SBNO1: variants seen among roughly 807,000 people sequenced by gnomAD.
SBNO1 encodes protein strawberry notch homolog 1.
SBNO1 carries 23 observed loss-of-function variants against 173.6 expected under a neutral mutation model. The observed-to-expected ratio is 0.13, with a 90% CI of 0.10 to 0.19. The LOEUF (loss-of-function observed/expected upper bound fraction) is 0.19, where lower values mean the gene tolerates loss of function less well. Among genes scored for constraint, SBNO1 ranks in the 10% least tolerant of loss-of-function variants. The pLI is 1.00. For missense variants in SBNO1, 1,238 were observed against 1,671.2 expected (o/e 0.74, Z 4.52); for synonymous variants, 632 against 571.5 (o/e 1.11, Z -1.51).
intron 30 of SBNO1, among the ~76,000 whole-genome samples, chr12:123,298,812 G>A (rs146500920): frequency 3.7e-4 from 56 of 152,296 alleles, no homozygotes; most frequent in African/African-American, 1.2e-3. Flanking sequence ...CTTGCTAGCC[G>A]GGCAGGGTGG....
At chr12:123,346,020 A>G (rs1250651076) in intron 3 of SBNO1, among the ~76,000 whole-genome samples, 1 of 152,190 alleles carries the variant, frequency 6.6e-6, no homozygotes, top group Non-Finnish European at 1.5e-5. Context: ...ACCAAGTTAA[A>G]CGGACAACTT....
intron 4 of SBNO1, among the ~76,000 whole-genome samples, chr12:123,341,815 A>AC (rs749823128): frequency 2.1e-3 from 311 of 148,696 alleles, no homozygotes; most frequent in Non-Finnish European, 3.2e-3. Context: ...GGCGTGAGCC[A>AC]CCGCACCTGG....
At chr12:123,342,086 T>C (rs768703781) in intron 4 of SBNO1, among the ~76,000 whole-genome samples, 134 of 151,802 alleles carry the variant, frequency 8.8e-4, no homozygotes, top group Middle Eastern at 3.4e-3. Context: ...GCCCAGTCTC[T>C]ACTAAAAATA....
chr12:123,322,577 G>A (rs374287024), intron 16 of SBNO1, among the ~76,000 whole-genome samples: 6 of 151,940 alleles, frequency 3.9e-5, no homozygotes, highest in Admixed American at 1.3e-4. Flanking sequence ...GATTACAGGC[G>A]TGAGCCACTG....
In SBNO1 at chr12:123,295,798, A is replaced by G; in HGVS notation, c.*110T>C. 3 of 1,434,228 alleles carry G rather than the reference A, an allele frequency of 2.1e-6. No individual in the cohort carries two copies. Among genetic ancestry groups the G allele is most frequent in the Non-Finnish European group, 2.8e-6 (3 of 1,060,742 alleles). 88.8% of individuals were successfully genotyped at this position (1,434,228 alleles called of 1,614,324 possible). The stretch of plus-strand genomic sequence containing the variant: ...TTACTCCCAAAAAAACTAACTAGAG[A>G]GCACAACTGAAAAAAATATATAATT... On this transcript the variant is annotated 3_prime_UTR_variant, in exon 32 of 32. Transcript: ENST00000602398.
At chr12:123,359,419 G>T (rs1421928922) in intron 1 of SBNO1, among the ~76,000 whole-genome samples, 1 of 151,706 alleles carries the variant, frequency 6.6e-6, no homozygotes, top group Non-Finnish European at 1.5e-5. Context: ...AAAGGTAGCT[G>T]GGCGTGGTGG....
intron 23 of SBNO1, 129 bp from the exon 24 acceptor site, chr12:123,313,848 G>A: frequency 1.8e-6 from 1 of 546,446 alleles, no homozygotes; most frequent in Non-Finnish European, 3.3e-6. Flanking sequence ...CAGCACTTTG[G>A]GAGGTCGAGG....
chr12:123,345,424 T>C lies in SBNO1; in HGVS notation c.384A>G (p.Ala128=), dbSNP rs1873012041. The C allele has an allele frequency of 4.3e-6, 7 of 1,614,234 alleles. No homozygotes were observed. In the East Asian group the frequency reaches 1.6e-4, roughly 36 times the overall value. The stretch of plus-strand genomic sequence containing the variant: ...GTGCTGAGACTGACGGGCGTGTGCT[T>C]GCAGTAGTCTGGATAAACTTAGTTA... ...ITLTKFIQTT[A]STRPSVSAPT... The change falls in exon 4 of 32, where the codon GCA becomes GCG. Residue 128 remains alanine (A), a synonymous_variant. Transcript: ENST00000602398.
intron 1 of SBNO1, chr12:123,364,468 C>T: frequency 1.0e-6 from 1 of 983,878 alleles, no homozygotes; most frequent in African/African-American, 1.7e-5. Context: ...GACAGCGGGG[C>T]CCGGCGCTGA....
intron 28 of SBNO1, among the ~76,000 whole-genome samples, chr12:123,306,042 A>G (rs927224475): frequency 2.0e-5 from 3 of 152,314 alleles, no homozygotes; most frequent in East Asian, 1.9e-4. Flanking sequence ...GAAAAACACA[A>G]TATTTTACTT....
At chr12:123,303,093 T>C (rs188413681) in intron 29 of SBNO1, among the ~76,000 whole-genome samples, 193 bp from the exon 30 acceptor site, 9 of 152,332 alleles carry the variant, frequency 5.9e-5, no homozygotes, top group African/African-American at 2.2e-4. Flanking sequence ...TAATACATTT[T>C]TCAAATAACT....
In SBNO1 at chr12:123,337,795, G is replaced by A. The variant is rs146740126; in HGVS notation, c.652-1304C>T. 2.2e-4 allele frequency among the ~76,000 whole-genome samples: 33 copies of A among 151,972 alleles called. 1 individual carries two copies. In the East Asian group the frequency reaches 6.2e-3, roughly 28 times the overall value. On this transcript the variant is annotated intron_variant, in intron 5 of 31. Transcript: ENST00000602398. The stretch of plus-strand genomic sequence containing the variant: ...ATTCTGGGTCCTCTCCACCCCCACC[G>A]TCTAACCCTGTCCTCGCTTATAAAA...
At chr12:123,350,210 C>T (rs562928398) in intron 2 of SBNO1, 100 bp downstream of exon 2, 34 of 1,357,554 alleles carry the variant, frequency 2.5e-5, no homozygotes, top group Admixed American at 9.8e-5. Context: ...GCCATGACTG[C>T]ACCACTGCAC....
rs534925735 is a variant in SBNO1, at chr12:123,331,085, C to T, written c.1043+157G>A. 8.2e-4 allele frequency among the ~76,000 whole-genome samples: 125 copies of T among 152,200 alleles called. 1 individual carries two copies. The highest frequency in any genetic ancestry group is 2.9e-3 in the African/African-American group (122 of 41,532). On this transcript the variant is annotated intron_variant, in intron 8 of 31. Transcript: ENST00000602398. ...TCACGCCATTCTCCTGCCTCAGCCT[C>T]CTGAGTAGCTGGGACTACAGGAACC...
intron 1 of SBNO1, among the ~76,000 whole-genome samples, chr12:123,354,435 C>A (rs1262591843): frequency 6.6e-6 from 1 of 152,098 alleles, no homozygotes; most frequent in Non-Finnish European, 1.5e-5. Flanking sequence ...TACTAGGGAT[C>A]ATTTCTCAGC....
chr12:123,346,764 G>A (rs1257963484), intron 3 of SBNO1, among the ~76,000 whole-genome samples: 4 of 151,668 alleles, frequency 2.6e-5, no homozygotes, highest in East Asian at 3.9e-4. Flanking sequence ...ATATCTTCAC[G>A]TACAAATCTG....
intron 5 of SBNO1, 56 bp downstream of exon 5, chr12:123,340,932 A>T: frequency 4.6e-6 from 5 of 1,084,358 alleles, no homozygotes; most frequent in Non-Finnish European, 6.9e-6. Flanking sequence ...GAACACTTTT[A>T]GTTGAGTACA....
intron 1 of SBNO1, among the ~76,000 whole-genome samples, chr12:123,362,942 G>C (rs2139120999): frequency 6.6e-6 from 1 of 151,528 alleles, no homozygotes; most frequent in South Asian, 2.1e-4. Context: ...AAAAAAATTA[G>C]CTGCTGTAGT....
In SBNO1 at chr12:123,292,020, CA is replaced by C. The variant is rs1221686030; in HGVS notation, c.*3887del. On this transcript the variant is annotated 3_prime_UTR_variant, in exon 32 of 32. Coordinates refer to ENST00000602398, the MANE Select transcript of SBNO1 (RefSeq NM_001167856.3). ...ATCAGACAACTGGCATTCAATGAGA[CA>C]TTTTTTTTTTTTTTTGCAGTTTTTG... The C allele has an allele frequency of 1.2e-5, 1 of 85,376 alleles. No homozygotes were observed. Among genetic ancestry groups the C allele is most frequent in the African/African-American group, 3.4e-5 (1 of 29,018 alleles). The allele number at this position is 85,376 out of a possible 1,614,324, so 5.3% of individuals were successfully genotyped here.
Sources: gnomAD v4.1 joint callset for allele counts (sites outside exome capture counted in the v4.1 genomes callset) on GRCh38, gnomAD v4.1.1 for gene constraint, MANE v1.5 for transcripts, NCBI Gene and HGNC (gene_info 2026-07-23, HGNC 2026-07-21) for gene names.